The following PCDHA2 variants were observed in gnomAD, a reference collection of about 807,000 sequenced individuals.
PCDHA2 encodes the protein protocadherin alpha 2, also known as protocadherin alpha-2.
PCDHA2 carries 58 observed loss-of-function variants against 66.0 expected under a neutral mutation model. That is an observed-to-expected ratio of 0.88 (90% CI 0.71 to 1.09). The LOEUF (loss-of-function observed/expected upper bound fraction) is 1.09, where lower values mean the gene tolerates loss of function less well. Ranked by LOEUF, PCDHA2 falls within the 50% of genes least tolerant of loss-of-function variation. The pLI, the probability that PCDHA2 is intolerant of heterozygous loss-of-function variation, is 0.00. For synonymous variants in PCDHA2, 634 were observed against 554.0 expected (o/e 1.14, Z -2.03); for missense variants, 1,267 against 1,242.3 (o/e 1.02, Z -0.30).
chr5:140,913,670 A>G (rs2076427033), intron 1 of PCDHA2, among the ~76,000 whole-genome samples: 1 of 152,090 alleles, frequency 6.6e-6, no homozygotes, highest in Non-Finnish European at 1.5e-5. Flanking sequence ...TAGTTAGGTT[A>G]TTTAAAATGA....
chr5:140,842,555 G>C, intron 1 of PCDHA2: 2 of 1,465,934 alleles, frequency 1.4e-6, no homozygotes, highest in Non-Finnish European at 1.9e-6. Flanking sequence ...GCTGGACAGC[G>C]CCCTGGACCG....
Position 140,801,772 on chromosome 5 carries a change from T to C in PCDHA2, c.2388+4420T>C, listed in dbSNP as rs564667115. ...AGAAATGATGAGGAAATTAAATCCC[T>C]TGGACTCGTGTTGAAAAAAAATTTA... is the stretch of plus-strand genomic sequence containing the variant. On this transcript the variant is annotated intron_variant, in intron 1 of 3. Transcript: ENST00000526136. The C allele has an allele frequency of 9.3e-6, 15 of 1,614,060 alleles. No homozygotes were observed. In the South Asian group the frequency reaches 1.2e-4, roughly 13 times the overall value.
chr5:140,849,612 A>C lies in PCDHA2; in HGVS notation c.2388+52260A>C, dbSNP rs2040992184. On this transcript the variant is annotated intron_variant, in intron 1 of 3. Transcript: ENST00000526136. ...ACTGGGGACAGTTATTGCCCTGATT[A>C]GTGTGATCGACCTAGACGCAGATGC... 5 of 1,598,736 alleles carry C rather than the reference A, an allele frequency of 3.1e-6. 2 individuals are homozygous for C. The highest frequency in any genetic ancestry group is 4.3e-6 in the Non-Finnish European group (5 of 1,167,986).
At chr5:140,877,637 G>C in intron 1 of PCDHA2, 1 of 1,613,638 alleles carries the variant, frequency 6.2e-7, no homozygotes, top group South Asian at 1.1e-5. Context: ...ACTGCGCTGC[G>C]TTGCTCAGCG....
intron 1 of PCDHA2, among the ~76,000 whole-genome samples, chr5:140,818,349 G>A (rs1214100703): frequency 1.3e-5 from 2 of 152,134 alleles, no homozygotes; most frequent in African/African-American, 4.8e-5. Context: ...CACTGTCAAA[G>A]TCATTGATTG....
At chr5:140,893,318 T>C (rs1329749503) in intron 1 of PCDHA2, among the ~76,000 whole-genome samples, 2 of 152,170 alleles carry the variant, frequency 1.3e-5, no homozygotes, top group African/African-American at 2.4e-5. Context: ...TTTGAGGGAC[T>C]CCCATACTGT....
chr5:140,967,279 T>C, intron 1 of PCDHA2: 1 of 1,613,002 alleles, frequency 6.2e-7, no homozygotes, highest in South Asian at 1.1e-5. Context: ...ACATAGAGAG[T>C]GCGCAGGACC....
chr5:140,983,054 G>A (rs933321433), intron 3 of PCDHA2, among the ~76,000 whole-genome samples: 1 of 151,858 alleles, frequency 6.6e-6, no homozygotes. Flanking sequence ...GAAAATTATC[G>A]GAACCAAGGC....
At chr5:140,803,039 G>A (rs1554122540) in intron 1 of PCDHA2, 1 of 1,614,024 alleles carries the variant, frequency 6.2e-7, no homozygotes, top group Non-Finnish European at 8.5e-7. Context: ...TGCAGCCTGG[G>A]ACCGGCGGTG....
chr5:140,883,227 T>C (rs1367769120), intron 1 of PCDHA2: 2 of 1,613,830 alleles, frequency 1.2e-6, no homozygotes, highest in African/African-American at 2.7e-5. Flanking sequence ...GAAATATCCG[T>C]GGAGGCAGTT....
intron 1 of PCDHA2, chr5:140,829,327 C>T: frequency 6.2e-7 from 1 of 1,614,240 alleles, no homozygotes; most frequent in South Asian, 1.1e-5. Context: ...TGGACAGTGC[C>T]CTGGACCGCG....
At chr5:140,848,448 T>C (rs2150410519) in intron 1 of PCDHA2, 3 of 1,511,550 alleles carry the variant, frequency 2.0e-6, no homozygotes, top group African/African-American at 1.4e-5. Flanking sequence ...TGATTTCTTC[T>C]AATTTGGAGG....
At chr5:140,830,445 A>G in intron 1 of PCDHA2, 4 of 1,603,790 alleles carry the variant, frequency 2.5e-6, no homozygotes, top group Non-Finnish European at 3.4e-6. Context: ...ATGATGGGTA[A>G]GGCGGAGAAT....
In PCDHA2 at chr5:140,807,598, A is replaced by G. The variant is rs1581686501; in HGVS notation, c.2388+10246A>G. ...ACCCGCCGGTGTTCCCAGCAACACA[A>G]AAGAACCTGTCCATCGCGGAATCCA... On this transcript the variant is annotated intron_variant, in intron 1 of 3. Transcript: ENST00000526136. 15 of 1,614,200 alleles carry G rather than the reference A, an allele frequency of 9.3e-6. No homozygotes were observed. The East Asian group carries it at 1.8e-4, about 19-fold the overall frequency.
intron 1 of PCDHA2, among the ~76,000 whole-genome samples, chr5:140,961,132 T>G (rs1186627628): frequency 6.6e-6 from 1 of 152,238 alleles, no homozygotes; most frequent in Admixed American, 6.5e-5. Context: ...GTCTTGGCAC[T>G]TAAGAGTTGG....
chr5:140,975,848 T>C (rs1345383470), intron 1 of PCDHA2, among the ~76,000 whole-genome samples: 1 of 152,234 alleles, frequency 6.6e-6, no homozygotes, highest in Non-Finnish European at 1.5e-5. Flanking sequence ...TCAGTAATAC[T>C]ACATCACCCA....
At chr5:140,823,377 G>A (rs1767681513) in intron 1 of PCDHA2, 2 of 1,612,774 alleles carry the variant, frequency 1.2e-6, no homozygotes, top group Non-Finnish European at 1.7e-6. Context: ...AGTTCCAGGT[G>A]AGCGCGCGCG....
At chr5:140,888,623 C>T (rs1456857060) in intron 1 of PCDHA2, among the ~76,000 whole-genome samples, 1 of 152,160 alleles carries the variant, frequency 6.6e-6, no homozygotes. Context: ...ACTAATTCGG[C>T]CTTCTATTAC....
At position 140,877,018 on chromosome 5, in the gene PCDHA2, A is replaced by C; in HGVS notation, c.2388+79666A>C. On this transcript the variant is annotated intron_variant, in intron 1 of 3. Transcript: ENST00000526136. ...CGTGTCGGTGCACGCGGAGAGCGGC[A>C]AGGTGTACGCGCTGCAGCCGCTAGA... 1 of 1,612,420 alleles carries C rather than the reference A, an allele frequency of 6.2e-7. No homozygotes were observed. Among genetic ancestry groups the C allele is most frequent in the Non-Finnish European group, 8.5e-7 (1 of 1,179,802 alleles).
Sources: allele counts gnomAD v4.1 joint callset (sites outside exome capture counted in the v4.1 genomes callset), GRCh38; gene constraint gnomAD v4.1.1; transcripts MANE v1.5; gene names NCBI Gene and HGNC (gene_info 2026-07-23, HGNC 2026-07-21).